C10orf95: variants seen among roughly 807,000 people sequenced by gnomAD.
C10orf95 encodes the protein chromosome 10 open reading frame 95.
For synonymous variants in C10orf95, 188 were observed against 160.4 expected (o/e 1.17, Z -1.30); for missense variants, 412 against 327.4 (o/e 1.26, Z -1.99).
intron 1 of C10orf95, 118 bp downstream of exon 1, chr10:102,451,268 C>G (rs2061691313): frequency 7.7e-6 from 11 of 1,421,958 alleles, no homozygotes; most frequent in South Asian, 1.5e-5. Context: ...ATCGAACATT[C>G]AGCTCCCCGC....
intron 1 of C10orf95, 26 bp downstream of exon 1, chr10:102,451,360 G>C (rs2061692238): frequency 1.3e-6 from 2 of 1,561,350 alleles, no homozygotes; most frequent in Non-Finnish European, 1.7e-6. Flanking sequence ...CCGCCGGGAT[G>C]CTCTTCCCAG....
chr10:102,451,264 C>T (rs2061691287), intron 1 of C10orf95, 117 bp from the exon 2 acceptor site: 5 of 1,420,298 alleles, frequency 3.5e-6, no homozygotes, highest in Non-Finnish European at 4.6e-6. Context: ...CCAAATCGAA[C>T]ATTCAGCTCC....
chr10:102,450,529 G>C lies in C10orf95; in HGVS notation c.565C>G (p.Pro189Ala). ...HRVEWRVRRR[P>A]DSGDSSPARE... is the part of the protein sequence containing the mutation. ...GCTGGGCTGCTGTCGCCGCTGTCGG[G>C]CCGGCGCCGCACGCGCCACTCCACG... Residue 189 changes from proline (P) to alanine (A), a missense_variant, in exon 2 of 2, where the codon CCC becomes GCC. Physicochemically the swap from Pro to Ala is conservative, Grantham distance 27. Transcript: ENST00000625129. 3 of 1,377,198 alleles carry C rather than the reference G, an allele frequency of 2.2e-6. No individual in the cohort carries two copies. Among genetic ancestry groups the C allele is most frequent in the Non-Finnish European group, 2.8e-6 (3 of 1,073,042 alleles). The allele number at this position is 1,377,198 out of a possible 1,614,324, so 85.3% of individuals were successfully genotyped here. A position where few individuals can be genotyped will look rare whatever the true frequency, so the allele number is the denominator to read the frequency against.
rs1312714595 is a variant in C10orf95, at chr10:102,450,328, CA to C, written c.*123del. ...GCAGTCATGGGAGAAGCCAAAAAGA[CA>C]GGTGAGCAGCGCGTCCGCCTCCCGC... On this transcript the variant is annotated 3_prime_UTR_variant, in exon 2 of 2. Transcript: ENST00000625129. 1.2e-5 allele frequency: 13 copies of C among 1,057,992 alleles called. No individual in the cohort carries two copies. The Middle Eastern group carries it at 6.0e-4, about 49-fold the overall frequency. The allele number at this position is 1,057,992 out of a possible 1,614,324, so 65.5% of individuals were successfully genotyped here. A position where few individuals can be genotyped will look rare whatever the true frequency, so the allele number is the denominator to read the frequency against.
Position 102,451,414 on chromosome 10 carries a change from G to A in C10orf95, c.-83C>T. 1 of 1,498,474 alleles carries A rather than the reference G, an allele frequency of 6.7e-7. No individual in the cohort carries two copies. The highest frequency in any genetic ancestry group is 9.0e-7 in the Non-Finnish European group (1 of 1,108,818). 92.8% of individuals were successfully genotyped at this position (1,498,474 alleles called of 1,614,324 possible). On this transcript the variant is annotated 5_prime_UTR_variant, in exon 1 of 2. Transcript: ENST00000625129. ...TCTCCTTCAGCCTTGGGGAGCCGGC[G>A]GGATCCAGAGCGGGGCTCCTCTCCG... is the stretch of plus-strand genomic sequence containing the variant.
chr10:102,450,581 C>T lies in C10orf95; in HGVS notation c.513G>A (p.Thr171=), dbSNP rs1261105371. ...QRRGQFLLQA[T]PRVLEPDHRV... ...GGTGGTCGGGCTCGAGCACGCGCGG[C>T]GTCGCCTGCAGCAGGAACTGGCCGC... Residue 171 remains threonine, a synonymous_variant, in exon 2 of 2, where the codon ACG becomes ACA. Coordinates refer to ENST00000625129, the MANE Select transcript of C10orf95 (RefSeq NM_001363580.1). The T allele has an allele frequency of 5.5e-6, 7 of 1,279,306 alleles. No homozygotes were observed. The Admixed American group carries it at 1.2e-4, about 23-fold the overall frequency. The allele number at this position is 1,279,306 out of a possible 1,614,324, so 79.2% of individuals were successfully genotyped here. A position where few individuals can be genotyped will look rare whatever the true frequency, so the allele number is the denominator to read the frequency against.
chr10:102,451,187 T>TAACCGCCTCCTG (rs2061690920), intron 1 of C10orf95, 40 bp from the exon 2 acceptor site: 1 of 1,464,550 alleles, frequency 6.8e-7, no homozygotes, highest in African/African-American at 1.4e-5. Flanking sequence ...ACTTTCTACT[T>TAACCGCCTCCTG]AACCGCCTCC....
chr10:102,450,524 G>A lies in C10orf95; in HGVS notation c.570C>T (p.Asp190=). Residue 190 remains aspartate (D), a synonymous_variant, in exon 2 of 2, where the codon GAC becomes GAT. Coordinates refer to ENST00000625129, the MANE Select transcript of C10orf95 (RefSeq NM_001363580.1). ...RVEWRVRRRP[D]SGDSSPAREA... ...CCCGGGCTGGGCTGCTGTCGCCGCT[G>A]TCGGGCCGGCGCCGCACGCGCCACT... is the stretch of plus-strand genomic sequence containing the variant. 7.2e-7 allele frequency: 1 copy of A among 1,393,786 alleles called. No homozygotes were observed. Among genetic ancestry groups the A allele is most frequent in the Non-Finnish European group, 9.2e-7 (1 of 1,081,666 alleles). 86.3% of individuals were successfully genotyped at this position (1,393,786 alleles called of 1,614,324 possible). A position where few individuals can be genotyped will look rare whatever the true frequency, so the allele number is the denominator to read the frequency against.
In C10orf95 at chr10:102,451,147, C is replaced by A; in HGVS notation, c.-54G>T. Reference sequence around the variant, plus strand: ...TACTGGGGGCTCCTGCGGATCCAGACCTGCGGCGGAGGAAGGGATATGTAG... The same window carrying A: ...TACTGGGGGCTCCTGCGGATCCAGAACTGCGGCGGAGGAAGGGATATGTAG... On this transcript the variant is annotated splice_region_variant and 5_prime_UTR_variant, in exon 2 of 2. Coordinates refer to ENST00000625129, the MANE Select transcript of C10orf95 (RefSeq NM_001363580.1). The A allele has an allele frequency of 6.9e-7, 1 of 1,440,812 alleles. No individual in the cohort carries two copies. Among genetic ancestry groups the A allele is most frequent in the East Asian group, 2.5e-5 (1 of 40,252 alleles). 89.3% of individuals were successfully genotyped at this position (1,440,812 alleles called of 1,614,324 possible).
At position 102,450,947 on chromosome 10, in the gene C10orf95, C is replaced by T. The variant is rs767289700; in HGVS notation, c.147G>A (p.Ala49=). 7.9e-7 allele frequency: 1 copy of T among 1,271,058 alleles called. No individual in the cohort carries two copies. Among genetic ancestry groups the T allele is most frequent in the South Asian group, 3.3e-5 (1 of 29,888 alleles). The allele number at this position is 1,271,058 out of a possible 1,614,324, so 78.7% of individuals were successfully genotyped here. The change falls in exon 2 of 2, where the codon GCG becomes GCA. Residue 49 remains alanine (A), a synonymous_variant. Coordinates refer to ENST00000625129, the MANE Select transcript of C10orf95 (RefSeq NM_001363580.1). ...SFRSRPGSLH[A]GEWAAPREYH... ...ATTCCCGTGGGGCCGCCCACTCGCC[C>T]GCATGCAGGCTCCCGGGCCGGCTGC...
chr10:102,451,160 A>C lies in C10orf95; in HGVS notation c.-54-13T>G. 7.0e-7 allele frequency: 1 copy of C among 1,434,992 alleles called. No homozygotes were observed. The highest frequency in any genetic ancestry group is 9.1e-7 in the Non-Finnish European group (1 of 1,097,240). 88.9% of individuals were successfully genotyped at this position (1,434,992 alleles called of 1,614,324 possible). On this transcript the variant is annotated splice_polypyrimidine_tract_variant and intron_variant, in intron 1 of 1. Coordinates refer to ENST00000625129, the MANE Select transcript of C10orf95 (RefSeq NM_001363580.1). The stretch of plus-strand genomic sequence containing the variant: ...TGCGGATCCAGACCTGCGGCGGAGG[A>C]AGGGATATGTAGACAGACTTTCTAC...
In C10orf95 at chr10:102,450,738, T is replaced by C; in HGVS notation, c.356A>G (p.Gln119Arg). 6.8e-6 allele frequency: 9 copies of C among 1,318,038 alleles called. No homozygotes were observed. The highest frequency in any genetic ancestry group is 8.7e-6 in the Non-Finnish European group (9 of 1,029,220). The allele number at this position is 1,318,038 out of a possible 1,614,324, so 81.6% of individuals were successfully genotyped here. The change falls in exon 2 of 2, where the codon CAA becomes CGA. Residue 119 changes from glutamine to arginine, a missense_variant. By Grantham distance (43) the Gln-to-Arg change is conservative. Coordinates refer to ENST00000625129, the MANE Select transcript of C10orf95 (RefSeq NM_001363580.1). ...WAPWPEGGSL[Q>R]TELRWGRVER... ...CACGCGGCCCCAGCGCAGCTCGGTTTGCAGGCTCCCGCCCTCCGGCCACGG... is the reference window on the plus strand; with the variant it reads ...CACGCGGCCCCAGCGCAGCTCGGTTCGCAGGCTCCCGCCCTCCGGCCACGG...
rs778107247 is a variant in C10orf95 at position 102,450,984 on chromosome 10, G to T, written c.110C>A (p.Ala37Asp). 5.4e-6 allele frequency: 7 copies of T among 1,304,818 alleles called. No homozygotes were observed. The South Asian group carries it at 2.0e-4, about 38-fold the overall frequency. 80.8% of individuals were successfully genotyped at this position (1,304,818 alleles called of 1,614,324 possible). ...AAPLLLPPVQ[A>D]HSFRSRPGSL... ...CCCGGGCCGGCTGCGGAAGCTGTGG[G>T]CCTGGACTGGGGGTAGCAGCAGAGG... The change falls in exon 2 of 2, where the codon GCC becomes GAC. Residue 37 changes from alanine (A) to aspartate (D), a missense_variant. Transcript: ENST00000625129.
Position 102,450,632 on chromosome 10 carries a change from G to C in C10orf95, c.462C>G (p.Arg154=). 8.1e-7 allele frequency: 1 copy of C among 1,237,752 alleles called. No homozygotes were observed. Among genetic ancestry groups the C allele is most frequent in the Non-Finnish European group, 1.0e-6 (1 of 992,804 alleles). The allele number at this position is 1,237,752 out of a possible 1,614,324, so 76.7% of individuals were successfully genotyped here. Residue 154 remains arginine (R), a synonymous_variant, in exon 2 of 2, where the codon CGC becomes CGG. Coordinates refer to ENST00000625129, the MANE Select transcript of C10orf95 (RefSeq NM_001363580.1). ...ELRRAYGTYP[R]ADVRVTQRRG... ...GGCGCTGGGTGACGCGCACGTCGGC[G>C]CGGGGGTAGGTGCCGTACGCGCGCC...
In C10orf95 at chr10:102,451,041, G is replaced by T; in HGVS notation, c.53C>A (p.Pro18Gln). 2 of 1,353,398 alleles carry T rather than the reference G, an allele frequency of 1.5e-6. No homozygotes were observed. Among genetic ancestry groups the T allele is most frequent in the Non-Finnish European group, 9.5e-7 (1 of 1,051,576 alleles). The allele number at this position is 1,353,398 out of a possible 1,614,324, so 83.8% of individuals were successfully genotyped here. A position where few individuals can be genotyped will look rare whatever the true frequency, so the allele number is the denominator to read the frequency against. ...PPKQGVWPPPPQLLTCTYLAA... is the reference protein window; with the variant it reads ...PPKQGVWPPPQQLLTCTYLAA... Reference sequence around the variant, plus strand: ...CAGGTAGGTGCAGGTGAGCAGCTGCGGCGGCGGCGGCCAGACGCCCTGTTT... The same window carrying T: ...CAGGTAGGTGCAGGTGAGCAGCTGCTGCGGCGGCGGCCAGACGCCCTGTTT... The change falls in exon 2 of 2, where the codon CCG (proline) becomes CAG (glutamine). Residue 18 changes from proline to glutamine, a missense_variant. Pro to Gln is a moderately conservative substitution (Grantham distance 76). Transcript: ENST00000625129.
chr10:102,451,125 TG>T lies in C10orf95; in HGVS notation c.-33del. ...CCCCCCAGGCGGCTGCTGTTCTTAC[TG>T]GGGGCTCCTGCGGATCCAGACCTGC... On this transcript the variant is annotated 5_prime_UTR_variant, in exon 2 of 2. Coordinates refer to ENST00000625129, the MANE Select transcript of C10orf95 (RefSeq NM_001363580.1). 2 of 1,444,524 alleles carry T rather than the reference TG, an allele frequency of 1.4e-6. No homozygotes were observed. The allele number at this position is 1,444,524 out of a possible 1,614,324, so 89.5% of individuals were successfully genotyped here.
At position 102,450,550 on chromosome 10, in the gene C10orf95, C is replaced by G. The variant is rs1172097842; in HGVS notation, c.544G>C (p.Glu182Gln). The change falls in exon 2 of 2, where the codon GAG (glutamate) becomes CAG (glutamine). Residue 182 changes from glutamate (E) to glutamine (Q), a missense_variant. By Grantham distance (29) the Glu-to-Gln change is conservative. Coordinates refer to ENST00000625129, the MANE Select transcript of C10orf95 (RefSeq NM_001363580.1). ...TCGGGCCGGCGCCGCACGCGCCACT[C>G]CACGCGGTGGTCGGGCTCGAGCACG... The part of the protein sequence containing the change: ...PRVLEPDHRV[E>Q]WRVRRRPDSG... The G allele has an allele frequency of 2.9e-6, 4 of 1,356,382 alleles. No homozygotes were observed. Among genetic ancestry groups the G allele is most frequent in the Non-Finnish European group, 3.8e-6 (4 of 1,061,020 alleles). 84.0% of individuals were successfully genotyped at this position (1,356,382 alleles called of 1,614,324 possible).
Position 102,450,314 on chromosome 10 carries a change from A to T in C10orf95, c.*138T>A, listed in dbSNP as rs2061683071. 2.1e-6 allele frequency: 2 copies of T among 947,064 alleles called. No homozygotes were observed. The highest frequency in any genetic ancestry group is 3.3e-6 in the Non-Finnish European group (2 of 613,840). The allele number at this position is 947,064 out of a possible 1,614,324, so 58.7% of individuals were successfully genotyped here. ...CAGGAAACTGGCCGGCAGTCATGGG[A>T]GAAGCCAAAAAGACAGGTGAGCAGC... On this transcript the variant is annotated 3_prime_UTR_variant, in exon 2 of 2. Coordinates refer to ENST00000625129, the MANE Select transcript of C10orf95 (RefSeq NM_001363580.1).
Position 102,450,640 on chromosome 10 carries a change from A to T in C10orf95, c.454T>A (p.Tyr152Asn). The change falls in exon 2 of 2, where the codon TAC becomes AAC. Residue 152 changes from tyrosine (Y) to asparagine (N), a missense_variant. Physicochemically the swap from Tyr to Asn is moderately radical, Grantham distance 143 (BLOSUM62 -2). Transcript: ENST00000625129. The stretch of plus-strand genomic sequence containing the variant: ...GTGACGCGCACGTCGGCGCGGGGGT[A>T]GGTGCCGTACGCGCGCCGCAGCTCC... ...RRELRRAYGT[Y>N]PRADVRVTQR... 8.1e-7 allele frequency: 1 copy of T among 1,234,974 alleles called. No individual in the cohort carries two copies. The highest frequency in any genetic ancestry group is 3.3e-5 in the South Asian group (1 of 30,438). The allele number at this position is 1,234,974 out of a possible 1,614,324, so 76.5% of individuals were successfully genotyped here.
Sources: allele counts gnomAD v4.1 joint callset, GRCh38; gene constraint gnomAD v4.1.1; transcripts MANE v1.5; gene names NCBI Gene and HGNC (gene_info 2026-07-23, HGNC 2026-07-21).